The following KHDRBS2 variants were observed in gnomAD, a reference collection of about 807,000 sequenced individuals.
The protein encoded by KHDRBS2 is KH RNA binding domain containing, signal transduction associated 2, also known as KH domain-containing, RNA-binding, signal transduction-associated protein 2.
Under a neutral mutation model 44.3 loss-of-function variants are expected in KHDRBS2, and 26 were observed. The observed-to-expected ratio is 0.59, with a 90% CI of 0.43 to 0.81. The LOEUF is 0.81. Ranked by LOEUF, KHDRBS2 falls within the 40% of genes least tolerant of loss-of-function variation. The probability of loss-of-function intolerance (pLI) is 0.00; values close to 1 mark genes in which losing one functional copy is unlikely to be tolerated. For missense variants in KHDRBS2, 476 were observed against 433.1 expected (o/e 1.10, Z -0.88); for synonymous variants, 194 against 151.1 (o/e 1.28, Z -2.08).
intron 6 of KHDRBS2, among the ~76,000 whole-genome samples, chr6:61,736,295 G>C (rs984587563): frequency 1.5e-4 from 23 of 149,150 alleles, no homozygotes; most frequent in Admixed American, 2.7e-4. Flanking sequence ...CTCAGGTATA[G>C]TTTAAGCATC....
At chr6:62,040,168 T>C (rs1786144646) in intron 3 of KHDRBS2, among the ~76,000 whole-genome samples, 1 of 151,774 alleles carries the variant, frequency 6.6e-6, no homozygotes, top group Admixed American at 6.6e-5. Flanking sequence ...GAGAGGCAAA[T>C]TCAAAATAAG....
chr6:61,574,240 T>G, the KHDRBS2 span: 105 of 883,658 alleles, frequency 1.2e-4, no homozygotes, highest in Non-Finnish European at 1.9e-4. Flanking sequence ...AGGCACCGCC[T>G]GCCCAGTGAC....
chr6:61,882,998 G>A (rs1486187318), intron 6 of KHDRBS2, among the ~76,000 whole-genome samples: 1 of 151,962 alleles, frequency 6.6e-6, no homozygotes, highest in African/African-American at 2.4e-5. Flanking sequence ...CCAATATAGG[G>A]TGTTAATTTT....
intron 3 of KHDRBS2, among the ~76,000 whole-genome samples, chr6:62,040,485 AC>A (rs528453227): frequency 5.5e-4 from 83 of 152,196 alleles, no homozygotes; most frequent in African/African-American, 1.9e-3. Context: ...TACCATGAAT[AC>A]AGCTTGCATC....
chr6:62,055,299 G>C (rs1246020212), intron 2 of KHDRBS2, among the ~76,000 whole-genome samples: 1 of 151,968 alleles, frequency 6.6e-6, no homozygotes. Context: ...GTCATTGAAG[G>C]AGGAATGGGA....
intron 6 of KHDRBS2, among the ~76,000 whole-genome samples, chr6:61,826,952 A>G (rs1451411676): frequency 2.6e-5 from 4 of 152,204 alleles, no homozygotes; most frequent in African/African-American, 9.6e-5. Flanking sequence ...CTTTTCCTCA[A>G]TTATTCGATA....
the KHDRBS2 span, among the ~76,000 whole-genome samples, chr6:61,624,411 C>T: frequency 6.6e-6 from 1 of 152,188 alleles, no homozygotes; most frequent in Non-Finnish European, 1.5e-5. Context: ...TGGTGTTGTT[C>T]CTTTCTAGAA....
At chr6:61,849,687 C>T (rs1275448428) in intron 6 of KHDRBS2, among the ~76,000 whole-genome samples, 10 of 151,476 alleles carry the variant, frequency 6.6e-5, no homozygotes, top group African/African-American at 2.4e-4. Flanking sequence ...AGGAGCTTTC[C>T]ATGAGATTCA....
At chr6:61,668,977 C>T in the KHDRBS2 span, among the ~76,000 whole-genome samples, 1 of 150,796 alleles carries the variant, frequency 6.6e-6, no homozygotes, top group Non-Finnish European at 1.5e-5. Context: ...GACAATTTCC[C>T]ATTTATTTTC....
chr6:62,060,633 C>CTCTATA lies in KHDRBS2; in HGVS notation c.220-12640_220-12639insTATAGA, dbSNP rs758456817. 2.3e-3 allele frequency among the ~76,000 whole-genome samples: 327 copies of CTCTATA among 144,950 alleles called. 1 individual carries two copies. Among genetic ancestry groups the CTCTATA allele is most frequent in the African/African-American group, 8.1e-3 (318 of 39,250 alleles). ...TGTCTCTCTCTCTCTCTCTCTCTCT[C>CTCTATA]TATATATATATATATGAACTAAAAC... On this transcript the variant is annotated intron_variant, in intron 2 of 8. Transcript: ENST00000281156.
the KHDRBS2 span, among the ~76,000 whole-genome samples, chr6:61,570,091 T>C: frequency 6.6e-6 from 1 of 152,094 alleles, no homozygotes; most frequent in Non-Finnish European, 1.5e-5. Context: ...TCTGTAGTTC[T>C]AGATAAAGAA....
chr6:61,700,820 G>A (rs1046924798), intron 7 of KHDRBS2, among the ~76,000 whole-genome samples: 2 of 151,654 alleles, frequency 1.3e-5, no homozygotes, highest in African/African-American at 4.8e-5. Context: ...GTCATCAGTT[G>A]CAACACGGGA....
chr6:61,894,559 A>T (rs573326965), intron 6 of KHDRBS2, 76 bp downstream of exon 6: 5 of 1,184,888 alleles, frequency 4.2e-6, no homozygotes, highest in Non-Finnish European at 6.1e-6. Flanking sequence ...TTCACGGTAT[A>T]TGAACAGTTT....
chr6:61,745,266 A>C (rs1776694698), intron 6 of KHDRBS2, among the ~76,000 whole-genome samples: 1 of 152,204 alleles, frequency 6.6e-6, no homozygotes, highest in African/African-American at 2.4e-5. Context: ...ATGATAAGAA[A>C]GGATGTTAAC....
the KHDRBS2 span, among the ~76,000 whole-genome samples, chr6:61,634,985 T>G: frequency 1.3e-5 from 2 of 152,052 alleles, no homozygotes; most frequent in African/African-American, 4.8e-5. Flanking sequence ...TTTTCCAACA[T>G]GGGTAATTTC....
At chr6:62,049,160 T>C (rs904912387) in intron 2 of KHDRBS2, among the ~76,000 whole-genome samples, 3 of 151,922 alleles carry the variant, frequency 2.0e-5, no homozygotes, top group Non-Finnish European at 2.9e-5. Flanking sequence ...TAAATAGATA[T>C]GGTATGGTAT....
chr6:61,865,161 A>G (rs1049333535), intron 6 of KHDRBS2, among the ~76,000 whole-genome samples: 13 of 152,114 alleles, frequency 8.5e-5, no homozygotes, highest in Admixed American at 2.6e-4. Flanking sequence ...TTTGGCTATC[A>G]GTACCTGCAT....
chr6:61,780,455 C>T (rs746308669), intron 6 of KHDRBS2, among the ~76,000 whole-genome samples: 1 of 152,150 alleles, frequency 6.6e-6, no homozygotes, highest in Admixed American at 6.5e-5. Context: ...CACACCAGTA[C>T]ACTTCAGCCT....
intron 1 of KHDRBS2, among the ~76,000 whole-genome samples, chr6:62,212,507 T>C (rs1262181188): frequency 2.6e-5 from 4 of 152,006 alleles, no homozygotes; most frequent in Non-Finnish European, 2.9e-5. Context: ...TTTTTGGAAA[T>C]AGTATTATTG....
Sources: allele counts gnomAD v4.1 joint callset (sites outside exome capture counted in the v4.1 genomes callset), GRCh38; gene constraint gnomAD v4.1.1; transcripts MANE v1.5; gene names NCBI Gene and HGNC (gene_info 2026-07-23, HGNC 2026-07-21).